The following SYNJ1 variants were observed in gnomAD, a reference collection of about 807,000 sequenced individuals.
SYNJ1 encodes synaptojanin 1, also known as polyphosphatidylinositol phosphatase SYNJ1.
Under a neutral mutation model 168.2 loss-of-function variants are expected in SYNJ1, and 78 were observed. That is an observed-to-expected ratio of 0.46 (90% CI 0.39 to 0.56). The LOEUF is 0.56. Among genes scored for constraint, SYNJ1 ranks in the 20% least tolerant of loss-of-function variants. The pLI, the probability that SYNJ1 is intolerant of heterozygous loss-of-function variation, is 0.00. For missense variants in SYNJ1, 1,303 were observed against 1,597.6 expected (o/e 0.82, Z 3.14); for synonymous variants, 539 against 548.6 (o/e 0.98, Z 0.24).
intron 2 of SYNJ1, among the ~76,000 whole-genome samples, chr21:32,722,201 A>AT (rs1321667736): frequency 3.3e-4 from 37 of 113,828 alleles, no homozygotes; most frequent in Middle Eastern, 4.2e-3. Flanking sequence ...AAAAAAAAAA[A>AT]AAAAATATAT....
intron 2 of SYNJ1, among the ~76,000 whole-genome samples, chr21:32,724,112 A>T (rs1016288908): frequency 1.3e-5 from 2 of 152,174 alleles, no homozygotes; most frequent in Non-Finnish European, 2.9e-5. Context: ...CTTAAAGGAG[A>T]TCAACACTGG....
At chr21:32,692,878 T>C (rs977590830) in intron 6 of SYNJ1, among the ~76,000 whole-genome samples, 4 of 151,936 alleles carry the variant, frequency 2.6e-5, no homozygotes, top group Admixed American at 6.6e-5. Flanking sequence ...GGTGGGACCC[T>C]GTCTCTACAA....
At chr21:32,727,160 G>A (rs2043495139) in intron 1 of SYNJ1, among the ~76,000 whole-genome samples, 1 of 152,222 alleles carries the variant, frequency 6.6e-6, no homozygotes, top group Non-Finnish European at 1.5e-5. Context: ...AGCACTGTAA[G>A]TCAATCAACG....
chr21:32,631,621 C>T lies in SYNJ1; in HGVS notation c.*184G>A, dbSNP rs79652470. On this transcript the variant is annotated 3_prime_UTR_variant, in exon 33 of 33. Transcript: ENST00000674351. ...GGCATGCAACTTACAGAACTCAAAA[C>T]ATTACTTTGCGTTGCAGAAGGCAAC... 1 of 1,224,222 alleles carries T rather than the reference C, an allele frequency of 8.2e-7. No homozygotes were observed. Among genetic ancestry groups the T allele is most frequent in the Non-Finnish European group, 1.1e-6 (1 of 908,390 alleles). The allele number at this position is 1,224,222 out of a possible 1,614,324, so 75.8% of individuals were successfully genotyped here.
chr21:32,669,292 C>T (rs888512375), intron 15 of SYNJ1, among the ~76,000 whole-genome samples: 5 of 152,084 alleles, frequency 3.3e-5, no homozygotes, highest in African/African-American at 1.2e-4. Context: ...AAGCCTGTCT[C>T]TTTAAGAAAA....
chr21:32,631,944 C>T (rs1212103518), intron 32 of SYNJ1, 143 bp from the exon 33 acceptor site: 5 of 713,466 alleles, frequency 7.0e-6, no homozygotes, highest in Non-Finnish European at 1.1e-5. Context: ...GTTTGTTACT[C>T]CGGTGGTTTA....
intron 6 of SYNJ1, among the ~76,000 whole-genome samples, chr21:32,690,887 A>G (rs1473385543): frequency 6.6e-6 from 1 of 152,166 alleles, no homozygotes; most frequent in Non-Finnish European, 1.5e-5. Context: ...GTGCCATTGC[A>G]CTCCAATGGG....
Position 32,656,849 on chromosome 21 carries a change from C to T in SYNJ1, c.2633G>A (p.Arg878Lys). Residue 878 changes from arginine to lysine, a missense_variant, in exon 21 of 33, where the codon AGG becomes AAG. Physicochemically the swap from Arg to Lys is conservative, Grantham distance 26. Around this residue, in one of 2 missense-constraint regions of SYNJ1, gnomAD observed 920 missense variants for 1,208.8 expected, o/e 0.76. Transcript: ENST00000674351. ...IDIFEVEAEERQNIYKEVIAV... is the reference protein window; with the variant it reads ...IDIFEVEAEEKQNIYKEVIAV... ...AATTACTTCTTTATAAATGTTTTGCCTCTCTTCAGCTTCAACTTCAAATAT... is the reference window on the plus strand; with the variant it reads ...AATTACTTCTTTATAAATGTTTTGCTTCTCTTCAGCTTCAACTTCAAATAT... 1 of 1,614,118 alleles carries T rather than the reference C, an allele frequency of 6.2e-7. No individual in the cohort carries two copies. The highest frequency in any genetic ancestry group is 2.2e-5 in the East Asian group (1 of 44,872).
Position 32,672,966 on chromosome 21 carries a change from ACATAATCTTGGTTTATGTC to A in SYNJ1, c.1726+355_1726+373del, listed in dbSNP as rs527837114. On this transcript the variant is annotated intron_variant, in intron 14 of 32. Transcript: ENST00000674351. Reference sequence around the variant, plus strand: ...TTAATAAATGATCAATGTTAAATGGACATAATCTTGGTTTATGTCCATAATCTTGGTTTATGTCCATTTA... The same window carrying A: ...TTAATAAATGATCAATGTTAAATGGACATAATCTTGGTTTATGTCCATTTA... Among the ~76,000 whole-genome samples, 445 of 152,266 alleles carry A rather than the reference ACATAATCTTGGTTTATGTC, an allele frequency of 2.9e-3. 6 individuals carry two copies. Among genetic ancestry groups the A allele is most frequent in the African/African-American group, 9.7e-3 (403 of 41,550 alleles).
chr21:32,721,780 T>C (rs1425462503), intron 2 of SYNJ1, among the ~76,000 whole-genome samples: 1 of 152,208 alleles, frequency 6.6e-6, no homozygotes, highest in East Asian at 1.9e-4. Flanking sequence ...CAGAAGAACC[T>C]TAATAATGTG....
chr21:32,724,421 G>GA (rs1296440395), intron 2 of SYNJ1, among the ~76,000 whole-genome samples: 1 of 151,990 alleles, frequency 6.6e-6, no homozygotes, highest in Non-Finnish European at 1.5e-5. Flanking sequence ...CCAGGAGGTG[G>GA]AGGTTGCAGT....
chr21:32,645,627 G>A lies in SYNJ1; in HGVS notation c.3391+19C>T. The A allele has an allele frequency of 6.6e-7, 1 of 1,515,776 alleles. No homozygotes were observed. The highest frequency in any genetic ancestry group is 8.8e-7 in the Non-Finnish European group (1 of 1,139,394). The allele number at this position is 1,515,776 out of a possible 1,614,324, so 93.9% of individuals were successfully genotyped here. A position where few individuals can be genotyped will look rare whatever the true frequency, so the allele number is the denominator to read the frequency against. Reference sequence around the variant, plus strand: ...GAAGAATTTTACATCTAGCAGAAATGGAAATAAAAGGTTGTCACCTGAAGG... The same window carrying A: ...GAAGAATTTTACATCTAGCAGAAATAGAAATAAAAGGTTGTCACCTGAAGG... On this transcript the variant is annotated intron_variant, in intron 25 of 32. Coordinates refer to ENST00000674351, the MANE Select transcript of SYNJ1 (RefSeq NM_203446.3).
In SYNJ1 at chr21:32,699,878, G is replaced by A. The variant is rs1462349719; in HGVS notation, c.439C>T (p.Arg147Cys). The stretch of plus-strand genomic sequence containing the variant: ...TCAGTTGTCTGTTCTTGCATGCTAC[G>A]ATGCGCATTAAGACTCAAATCTAAA... ...ISLDLSLNAH[R>C]SMQEQTTDNR... Residue 147 changes from arginine (R) to cysteine (C), a missense_variant, in exon 4 of 33, where the codon CGT becomes TGT. Transcript: ENST00000674351. 6 of 1,613,916 alleles carry A rather than the reference G, an allele frequency of 3.7e-6. No homozygotes were observed. Among genetic ancestry groups the A allele is most frequent in the South Asian group, 2.2e-5 (2 of 91,080 alleles).
intron 1 of SYNJ1, among the ~76,000 whole-genome samples, chr21:32,727,502 C>A (rs1015603520): frequency 6.6e-6 from 1 of 152,036 alleles, no homozygotes. Flanking sequence ...GCTGGGGGGA[C>A]GGCAGGCGGG....
At chr21:32,659,724 G>GT (rs533802476) in intron 18 of SYNJ1, among the ~76,000 whole-genome samples, 1 of 152,320 alleles carries the variant, frequency 6.6e-6, no homozygotes, top group South Asian at 2.1e-4. Flanking sequence ...GGGGAGCTCA[G>GT]TTTTTGGAGA....
rs2041732672 is a variant in SYNJ1, at chr21:32,684,086, C to T, written c.1152G>A (p.Leu384=). The T allele has an allele frequency of 6.2e-7, 1 of 1,613,614 alleles. No individual in the cohort carries two copies. Among genetic ancestry groups the T allele is most frequent in the Non-Finnish European group, 8.5e-7 (1 of 1,179,728 alleles). Residue 384 remains leucine (L), a synonymous_variant, in exon 10 of 33, where the codon TTG becomes TTA. Coordinates refer to ENST00000674351, the MANE Select transcript of SYNJ1 (RefSeq NM_203446.3). ...CQSGTVRTNC[L]DCLDRTNSVQ... Reference sequence around the variant, plus strand: ...CACTATTTGTTCTATCAAGACAATCCAAGCAGTTTGTTCGAACTGTACCAC... The same window carrying T: ...CACTATTTGTTCTATCAAGACAATCTAAGCAGTTTGTTCGAACTGTACCAC...
upstream of SYNJ1, chr21:32,728,024 G>A (rs1214781194): frequency 3.9e-6 from 6 of 1,535,504 alleles, no homozygotes; most frequent in Non-Finnish European, 4.4e-6. Context: ...GCTCCAGCAG[G>A]CCCATCTCTT....
chr21:32,682,638 C>T (rs568967850), intron 10 of SYNJ1, among the ~76,000 whole-genome samples: 1 of 152,262 alleles, frequency 6.6e-6, no homozygotes, highest in Non-Finnish European at 1.5e-5. Flanking sequence ...TATTCCTCTA[C>T]TAGTTTGGCT....
intron 22 of SYNJ1, among the ~76,000 whole-genome samples, chr21:32,650,611 C>T (rs2040239826): frequency 6.6e-6 from 1 of 152,204 alleles, no homozygotes; most frequent in South Asian, 2.1e-4. Flanking sequence ...TTTGCTACAA[C>T]CACTATGTTT....
Sources: gnomAD v4.1 joint callset for allele counts (sites outside exome capture counted in the v4.1 genomes callset) on GRCh38, gnomAD v4.1.1 for gene constraint, gnomAD v4.1.1 regional missense constraint, MANE v1.5 for transcripts, NCBI Gene and HGNC (gene_info 2026-07-23, HGNC 2026-07-21) for gene names.